Variants in EXOC2 observed in about 807,000 individuals in gnomAD.
EXOC2 encodes the protein exocyst complex component 2, also known as SEC5-like 1.
A neutral mutation model predicts 131.8 loss-of-function variants in EXOC2; 70 were observed. The observed-to-expected ratio is 0.53, with a 90% CI of 0.44 to 0.65. EXOC2 has a LOEUF of 0.65. Ranked by LOEUF, EXOC2 falls within the 30% of genes least tolerant of loss-of-function variation. The probability of loss-of-function intolerance (pLI) is 0.00; values close to 1 mark genes in which losing one functional copy is unlikely to be tolerated. For synonymous variants in EXOC2, 411 were observed against 398.4 expected, an observed-to-expected ratio of 1.03 and a Z score of -0.38; for missense variants, 923 against 1,108.6, an observed-to-expected ratio of 0.83 and a Z score of 2.38.
At chr6:604,369 C>T (rs1737549) in intron 7 of EXOC2, among the ~76,000 whole-genome samples, 13,571 of 152,186 alleles carry the variant, frequency 0.089, 1,030 homozygotes, top group African/African-American at 0.21. Flanking sequence ...ACGTCACCCT[C>T]ACGTTACTTT....
chr6:493,098 C>T (rs1763529262), intron 25 of EXOC2, among the ~76,000 whole-genome samples: 1 of 152,058 alleles, frequency 6.6e-6, no homozygotes, highest in East Asian at 1.9e-4. Context: ...AAGAAATATC[C>T]CTTATTCTCA....
intron 4 of EXOC2, among the ~76,000 whole-genome samples, chr6:624,881 C>T (rs756205774): frequency 7.2e-5 from 11 of 152,150 alleles, no homozygotes; most frequent in Non-Finnish European, 1.0e-4. Flanking sequence ...AGTGAAGTCC[C>T]GGCTCAGACA....
At position 562,852 on chromosome 6, in the gene EXOC2, GAGA is replaced by G. The variant is rs1241925010; in HGVS notation, c.1790-10_1790-8del. ...TCAGCTAATCTCTTTATTTCTATATGAGAAGAAGCACACAAATACTTTATTATA... is the reference window on the plus strand; with the variant it reads ...TCAGCTAATCTCTTTATTTCTATATGAGAAGCACACAAATACTTTATTATA... On this transcript the variant is annotated splice_polypyrimidine_tract_variant and splice_region_variant and intron_variant, in intron 16 of 27. Transcript: ENST00000230449. 6 of 1,574,528 alleles carry G rather than the reference GAGA, an allele frequency of 3.8e-6. No individual in the cohort carries two copies. The African/African-American group carries it at 5.5e-5, about 14-fold the overall frequency.
At position 547,057 on chromosome 6, in the gene EXOC2, C is replaced by T. The variant is rs544424145; in HGVS notation, c.2238+2118G>A. Among the ~76,000 whole-genome samples the T allele has an allele frequency of 1.6e-4, 25 of 152,298 alleles. 1 individual carries two copies. Among genetic ancestry groups the T allele is most frequent in the African/African-American group, 4.8e-4 (20 of 41,558 alleles). On this transcript the variant is annotated intron_variant, in intron 22 of 27. Coordinates refer to ENST00000230449, the MANE Select transcript of EXOC2 (RefSeq NM_018303.6). Reference sequence around the variant, plus strand: ...TGCTCTTACAGGTCAAGTCCTTGACCTCTCTGGGTATCTTTCCCTATGAAG... The same window carrying T: ...TGCTCTTACAGGTCAAGTCCTTGACTTCTCTGGGTATCTTTCCCTATGAAG...
intron 22 of EXOC2, among the ~76,000 whole-genome samples, chr6:546,792 G>A (rs955844771): frequency 1.5e-4 from 23 of 152,218 alleles, no homozygotes; most frequent in Admixed American, 1.1e-3. Context: ...ATGCTGATAG[G>A]CTGTTTTATT....
chr6:681,613 C>G (rs1462560628), intron 1 of EXOC2, among the ~76,000 whole-genome samples: 7 of 152,098 alleles, frequency 4.6e-5, no homozygotes, highest in Non-Finnish European at 8.8e-5. Flanking sequence ...TAGGCCAAAA[C>G]TCATTTAAGC....
intron 22 of EXOC2, among the ~76,000 whole-genome samples, chr6:547,832 A>C (rs1478122369): frequency 1.3e-5 from 2 of 152,202 alleles, no homozygotes; most frequent in Non-Finnish European, 2.9e-5. Context: ...AATGATCTGG[A>C]CAAAGACAAG....
chr6:499,498 G>T, intron 24 of EXOC2, 147 bp downstream of exon 24: 1 of 606,678 alleles, frequency 1.6e-6, no homozygotes, highest in Non-Finnish European at 2.9e-6. Context: ...CAGACAGTGC[G>T]AGCAAGAGCT....
intron 17 of EXOC2, among the ~76,000 whole-genome samples, chr6:557,803 G>A (rs1056197133): frequency 6.6e-6 from 1 of 152,042 alleles, no homozygotes; most frequent in East Asian, 1.9e-4. Flanking sequence ...CTCAGAGGAC[G>A]ACAGTGTACC....
At chr6:562,949 G>T in intron 16 of EXOC2, 104 bp from the exon 17 acceptor site, 1 of 782,128 alleles carries the variant, frequency 1.3e-6, no homozygotes, top group Non-Finnish European at 1.9e-6. Flanking sequence ...TTTTATATAG[G>T]TTTGTAAAAA....
In EXOC2 at chr6:597,784, C is replaced by T. The variant is rs1027740038; in HGVS notation, c.1073+237G>A. The stretch of plus-strand genomic sequence containing the variant: ...GAGGTTGAGACTACTTTTCCTTTCC[C>T]GAAAATGGCAGAGTTTTCTCAAAAA... On this transcript the variant is annotated intron_variant, in intron 10 of 27. Transcript: ENST00000230449. Among the ~76,000 whole-genome samples, 11 of 152,250 alleles carry T rather than the reference C, an allele frequency of 7.2e-5. No individual in the cohort carries two copies. In the South Asian group the frequency reaches 2.3e-3, roughly 32 times the overall value.
Position 485,286 on chromosome 6 carries a change from A to ACTTACTTAGGAAAC in EXOC2, c.*1384_*1385insGTTTCCTAAGTAAG, listed in dbSNP as rs1762987580. On this transcript the variant is annotated 3_prime_UTR_variant, in exon 28 of 28. Coordinates refer to ENST00000230449, the MANE Select transcript of EXOC2 (RefSeq NM_018303.6). Reference sequence around the variant, plus strand: ...AACAGTTAACATACTTAGGAAAGACAATTCTTAACAGCTTTATCAAGCACA... The same window carrying ACTTACTTAGGAAAC: ...AACAGTTAACATACTTAGGAAAGACACTTACTTAGGAAACATTCTTAACAGCTTTATCAAGCACA... The ACTTACTTAGGAAAC allele has an allele frequency of 1.3e-5, 2 of 152,218 alleles. No individual in the cohort carries two copies. The highest frequency in any genetic ancestry group is 4.8e-5 in the African/African-American group (2 of 41,450). 9.4% of individuals were successfully genotyped at this position (152,218 alleles called of 1,614,324 possible).
chr6:569,828 T>A (rs1469852235), intron 13 of EXOC2, among the ~76,000 whole-genome samples: 1 of 152,276 alleles, frequency 6.6e-6, no homozygotes, highest in Non-Finnish European at 1.5e-5. Flanking sequence ...AGAGTCATTT[T>A]TTCATTTCAC....
At chr6:592,395 A>G in intron 11 of EXOC2, 74 bp downstream of exon 11, 1 of 1,269,596 alleles carries the variant, frequency 7.9e-7, no homozygotes, top group South Asian at 1.3e-5. Flanking sequence ...CAGTGCCTTC[A>G]TCATTAAACA....
At chr6:570,962 C>T (rs1758245394) in intron 13 of EXOC2, among the ~76,000 whole-genome samples, 1 of 152,186 alleles carries the variant, frequency 6.6e-6, no homozygotes, top group Non-Finnish European at 1.5e-5. Flanking sequence ...CAAGGCTTGA[C>T]CTCAGCATGG....
chr6:492,029 G>C (rs1362800216), intron 25 of EXOC2, among the ~76,000 whole-genome samples: 1 of 152,172 alleles, frequency 6.6e-6, no homozygotes, highest in Admixed American at 6.5e-5. Flanking sequence ...CTAAATGTAA[G>C]AAACTTATGA....
At chr6:527,594 G>A (rs1037516202) in intron 23 of EXOC2, among the ~76,000 whole-genome samples, 8 of 152,210 alleles carry the variant, frequency 5.3e-5, no homozygotes, top group South Asian at 2.1e-4. Flanking sequence ...CACCACTGAC[G>A]GGCAGGAGGT....
At chr6:622,410 A>C (rs1288653943) in intron 4 of EXOC2, among the ~76,000 whole-genome samples, 4 of 152,224 alleles carry the variant, frequency 2.6e-5, no homozygotes, top group Admixed American at 1.3e-4. Context: ...GAAGTCAAAC[A>C]GCTTCTGTGC....
chr6:496,837 G>A (rs957925097), intron 25 of EXOC2, among the ~76,000 whole-genome samples: 10 of 152,174 alleles, frequency 6.6e-5, no homozygotes, highest in African/African-American at 1.9e-4. Context: ...TCACTGCCAC[G>A]CTGCCAGCCA....
Sources: gnomAD v4.1 joint callset for allele counts (sites outside exome capture counted in the v4.1 genomes callset) on GRCh38, gnomAD v4.1.1 for gene constraint, MANE v1.5 for transcripts, NCBI Gene and HGNC (gene_info 2026-07-23, HGNC 2026-07-21) for gene names.